The following PCBP3 variants were observed in gnomAD, a reference collection of about 807,000 sequenced individuals.
PCBP3 encodes the protein poly(rC) binding protein 3.
Under a neutral mutation model 52.7 loss-of-function variants are expected in PCBP3, and 25 were observed. The observed-to-expected ratio is 0.47, with a 90% confidence interval of 0.35 to 0.66. PCBP3 has a LOEUF of 0.66. Among genes scored for constraint, PCBP3 ranks in the 30% least tolerant of loss-of-function variants. The pLI, the probability that PCBP3 is intolerant of heterozygous loss-of-function variation, is 0.01. For synonymous variants in PCBP3, 162 were observed against 183.0 expected, an observed-to-expected ratio of 0.89 and a Z score of 0.93; for missense variants, 391 against 490.3, an observed-to-expected ratio of 0.80 and a Z score of 1.91.
intron 4 of PCBP3, among the ~76,000 whole-genome samples, chr21:45,765,160 G>A (rs2089182247): frequency 6.6e-6 from 1 of 152,226 alleles, no homozygotes; most frequent in South Asian, 2.1e-4. Flanking sequence ...TTAGGGGAAG[G>A]TGGGGATAGA....
chr21:45,647,971 C>T (rs565878651), intron 1 of PCBP3, among the ~76,000 whole-genome samples: 2 of 152,170 alleles, frequency 1.3e-5, no homozygotes, highest in South Asian at 4.2e-4. Flanking sequence ...GCAGAATAGT[C>T]AGTGTCAGAG....
At chr21:45,834,780 G>A (rs981778666) in intron 4 of PCBP3, among the ~76,000 whole-genome samples, 5 of 152,250 alleles carry the variant, frequency 3.3e-5, no homozygotes, top group African/African-American at 4.8e-5. Context: ...AGCAGACTTC[G>A]GAGCTGCCTC....
At chr21:45,744,104 A>C (rs928461355) in intron 3 of PCBP3, 2 of 147,664 alleles carry the variant, frequency 1.4e-5, no homozygotes, top group Non-Finnish European at 3.0e-5. Flanking sequence ...TATAGGTAAA[A>C]ATGTGTATAT....
chr21:45,842,816 C>T (rs1009981359), intron 4 of PCBP3, among the ~76,000 whole-genome samples: 2 of 152,094 alleles, frequency 1.3e-5, no homozygotes, highest in African/African-American at 4.8e-5. Context: ...GAGTGGAAGC[C>T]GAGGCTCTCA....
intron 4 of PCBP3, among the ~76,000 whole-genome samples, chr21:45,804,285 A>G (rs1226183223): frequency 6.6e-6 from 1 of 152,174 alleles, no homozygotes; most frequent in Non-Finnish European, 1.5e-5. Context: ...TAGTGGTACA[A>G]TATCTTGTCA....
chr21:45,687,371 G>C (rs1209157904), intron 2 of PCBP3, among the ~76,000 whole-genome samples: 3 of 152,168 alleles, frequency 2.0e-5, no homozygotes, highest in Admixed American at 2.0e-4. Context: ...ATATAGGTGA[G>C]CATCTATCCA....
intron 3 of PCBP3, among the ~76,000 whole-genome samples, chr21:45,740,642 T>G (rs2086368733): frequency 7.5e-6 from 1 of 132,642 alleles, no homozygotes; most frequent in African/African-American, 3.0e-5. Flanking sequence ...GTGTGTGAAG[T>G]GTGTGTGCAT....
chr21:45,648,605 A>G (rs537249844), intron 1 of PCBP3, among the ~76,000 whole-genome samples: 31 of 152,356 alleles, frequency 2.0e-4, no homozygotes, highest in Non-Finnish European at 3.4e-4. Flanking sequence ...TTCCAACCTC[A>G]TAGCTGTTGT....
rs1257793371 is a variant in PCBP3, at chr21:45,805,217, T to C, written c.-125-44744T>C. On this transcript the variant is annotated intron_variant, in intron 4 of 17. Coordinates refer to ENST00000681687, the MANE Select transcript of PCBP3 (RefSeq NM_001384156.1). The surrounding 1 kb of genome is among the most constrained non-coding windows in gnomAD (Gnocchi z 4.6). ...GTGGCCTGGCCCCCATGGCAGGGTC[T>C]AAGGCTGTTCCCCGGAAGCCTACCT... is the stretch of plus-strand genomic sequence containing the variant. Among the ~76,000 whole-genome samples, 1 of 152,192 alleles carries C rather than the reference T, an allele frequency of 6.6e-6. No individual in the cohort carries two copies. Among genetic ancestry groups the C allele is most frequent in the African/African-American group, 2.4e-5 (1 of 41,440 alleles).
chr21:45,694,658 A>T lies in PCBP3; in HGVS notation c.-200+25706A>T, dbSNP rs542644843. On this transcript the variant is annotated intron_variant, in intron 2 of 17. Transcript: ENST00000681687. ...GGCATTACACTGAAATTTGTAAATA[A>T]ATTTAGCAAGGTTGCTGGATAGAAG... Among the ~76,000 whole-genome samples the T allele has an allele frequency of 2.0e-5, 3 of 152,344 alleles. No homozygotes were observed. In the East Asian group the frequency reaches 5.8e-4, roughly 29 times the overall value.
At chr21:45,888,661 C>T (rs1334905049) in intron 5 of PCBP3, among the ~76,000 whole-genome samples, 6 of 152,258 alleles carry the variant, frequency 3.9e-5, no homozygotes, top group African/African-American at 7.2e-5. Flanking sequence ...CTTTTAGACC[C>T]GCAATTGGAG....
intron 2 of PCBP3, among the ~76,000 whole-genome samples, chr21:45,694,627 T>G (rs1161743201): frequency 3.3e-5 from 5 of 152,174 alleles, no homozygotes. Context: ...GTTGAAAACT[T>G]TACATGGCAT....
chr21:45,768,668 G>A (rs934561926), intron 4 of PCBP3, among the ~76,000 whole-genome samples: 1 of 152,210 alleles, frequency 6.6e-6, no homozygotes, highest in Non-Finnish European at 1.5e-5. Flanking sequence ...CACTCCAGTT[G>A]AGTGCACACA....
chr21:45,691,424 AAAATATATATATC>A (rs1237543655), intron 2 of PCBP3, among the ~76,000 whole-genome samples: 3 of 136,396 alleles, frequency 2.2e-5, no homozygotes, highest in African/African-American at 8.6e-5. Context: ...ATATATATAT[AAAATATATATATC>A]ATATATATGT....
chr21:45,888,836 C>T lies in PCBP3; in HGVS notation c.11-7372C>T, dbSNP rs571075034. ...TTGTAAGGTTTCCACCTTAAACACACGTGGACAGTATCTATACATGGAACG... is the reference window on the plus strand; with the variant it reads ...TTGTAAGGTTTCCACCTTAAACACATGTGGACAGTATCTATACATGGAACG... On this transcript the variant is annotated intron_variant, in intron 5 of 17. Transcript: ENST00000681687. Among the ~76,000 whole-genome samples, 9 of 152,288 alleles carry T rather than the reference C, an allele frequency of 5.9e-5. No homozygotes were observed. The South Asian group carries it at 8.3e-4, about 14-fold the overall frequency.
chr21:45,919,696 A>T (rs1035269246), intron 13 of PCBP3, among the ~76,000 whole-genome samples: 1 of 152,216 alleles, frequency 6.6e-6, no homozygotes, highest in Middle Eastern at 3.2e-3. Flanking sequence ...TCCTGGGGTC[A>T]GCTGTAGACA....
At chr21:45,719,727 G>A (rs754712335) in intron 2 of PCBP3, among the ~76,000 whole-genome samples, 2 of 152,148 alleles carry the variant, frequency 1.3e-5, no homozygotes, top group Non-Finnish European at 2.9e-5. Context: ...GGAACTGTGA[G>A]TCAATTAAAC....
chr21:45,778,158 G>A (rs2090386960), intron 4 of PCBP3, among the ~76,000 whole-genome samples: 1 of 152,164 alleles, frequency 6.6e-6, no homozygotes, highest in Admixed American at 6.5e-5. Context: ...CAGTAGTGAA[G>A]TCTCTGTATG....
intron 4 of PCBP3, among the ~76,000 whole-genome samples, chr21:45,767,913 A>T (rs746298634): frequency 4.6e-5 from 7 of 152,216 alleles, no homozygotes; most frequent in African/African-American, 9.6e-5. Flanking sequence ...AGGCAGTGTG[A>T]GCAAGGGCAC....
Sources: allele counts gnomAD v4.1 joint callset (sites outside exome capture counted in the v4.1 genomes callset), GRCh38; gene constraint gnomAD v4.1.1; non-coding constraint Gnocchi (gnomAD v3.1); transcripts MANE v1.5; gene names NCBI Gene and HGNC (gene_info 2026-07-23, HGNC 2026-07-21).